PPP5C: variants seen among roughly 807,000 people sequenced by gnomAD.
The protein encoded by PPP5C is protein phosphatase 5 catalytic subunit.
PPP5C carries 21 observed loss-of-function variants against 66.7 expected under a neutral mutation model. The ratio of observed to expected loss-of-function variants is 0.31; its 90% CI spans 0.22 to 0.45. PPP5C has a LOEUF of 0.45. Among genes scored for constraint, PPP5C ranks in the 20% least tolerant of loss-of-function variants. The probability of loss-of-function intolerance (pLI) is 1.00; values close to 1 mark genes in which losing one functional copy is unlikely to be tolerated. For synonymous variants in PPP5C, 246 were observed against 257.4 expected, an observed-to-expected ratio of 0.96 and a Z score of 0.43; for missense variants, 464 against 675.9, an observed-to-expected ratio of 0.69 and a Z score of 3.48.
chr19:46,374,627 T>C (rs907150319), intron 2 of PPP5C, among the ~76,000 whole-genome samples: 2 of 152,178 alleles, frequency 1.3e-5, no homozygotes, highest in African/African-American at 4.8e-5. Context: ...GGGAACTTGC[T>C]ATGTCCCAAA....
At chr19:46,349,101 ACCAACCTGG>A (rs1020515733) in intron 1 of PPP5C, among the ~76,000 whole-genome samples, 7 of 152,238 alleles carry the variant, frequency 4.6e-5, no homozygotes, top group African/African-American at 1.4e-4. Flanking sequence ...GGAGTTCGAG[ACCAACCTGG>A]CCAACATGGT....
intron 2 of PPP5C, among the ~76,000 whole-genome samples, chr19:46,355,112 G>T (rs747073654): frequency 6.6e-6 from 1 of 152,248 alleles, no homozygotes; most frequent in Non-Finnish European, 1.5e-5. Context: ...CCCCCACCTG[G>T]TTAGTAGCAG....
chr19:46,347,315 G>A (rs1972099981), intron 1 of PPP5C, 98 bp downstream of exon 1: 4 of 1,455,706 alleles, frequency 2.7e-6, no homozygotes, highest in Middle Eastern at 2.2e-4. Context: ...CCTGGGCGCG[G>A]GGCAGACACT....
chr19:46,353,330 C>T (rs1007840062), intron 1 of PPP5C, among the ~76,000 whole-genome samples: 2 of 152,128 alleles, frequency 1.3e-5, no homozygotes, highest in African/African-American at 2.4e-5. Flanking sequence ...TGTGGCTGCC[C>T]GGGGCCCAGG....
Position 46,353,926 on chromosome 19 carries a change from C to T in PPP5C, c.300C>T (p.Tyr100=), listed in dbSNP as rs1398714338. Residue 100 remains tyrosine, a synonymous_variant, in exon 2 of 13, where the codon TAC becomes TAT. Transcript: ENST00000012443. The part of the protein sequence containing the change: ...ELDKKYIKGY[Y]RRAASNMALG... ...ACAAGAAGTACATCAAGGGTTATTA[C>T]CGCCGGGCTGCCAGCAACATGGCAC... The T allele has an allele frequency of 1.2e-6, 2 of 1,605,734 alleles. No individual in the cohort carries two copies. The highest frequency in any genetic ancestry group is 3.3e-4 in the Middle Eastern group (2 of 6,044).
intron 2 of PPP5C, among the ~76,000 whole-genome samples, chr19:46,354,973 T>A (rs1972258558): frequency 6.6e-6 from 1 of 152,178 alleles, no homozygotes; most frequent in African/African-American, 2.4e-5. Flanking sequence ...TCACACCAGG[T>A]GTGCTCTGCA....
chr19:46,353,697 G>A (rs1305222730), intron 1 of PPP5C, 51 bp from the exon 2 acceptor site: 2 of 1,609,344 alleles, frequency 1.2e-6, no homozygotes, highest in South Asian at 2.2e-5. Flanking sequence ...CCCAGGGCCT[G>A]TCCTCGCAGG....
chr19:46,353,528 T>A (rs1030011), intron 1 of PPP5C, among the ~76,000 whole-genome samples: 1 of 107,960 alleles, frequency 9.3e-6, no homozygotes. Context: ...GAGGGGTGGG[T>A]GGGCGGGTGT....
chr19:46,384,998 A>T, intron 7 of PPP5C, 89 bp downstream of exon 7: 3 of 1,075,666 alleles, frequency 2.8e-6, no homozygotes, highest in Non-Finnish European at 4.3e-6. Context: ...AGCTGTATTT[A>T]TTTTGTGGAC....
In PPP5C at chr19:46,370,741, G is replaced by A. The variant is rs530048738; in HGVS notation, c.364-4863G>A. ...TTATACAGCTCATGACTGTGTGTATGTCTCTCTCTTTTTTTTTTGAGATGG... is the reference window on the plus strand; with the variant it reads ...TTATACAGCTCATGACTGTGTGTATATCTCTCTCTTTTTTTTTTGAGATGG... On this transcript the variant is annotated intron_variant, in intron 2 of 12. Transcript: ENST00000012443. Among the ~76,000 whole-genome samples, 57 of 151,804 alleles carry A rather than the reference G, an allele frequency of 3.8e-4. 1 individual carries two copies. Among genetic ancestry groups the A allele is most frequent in the Admixed American group, 1.7e-3 (26 of 15,218 alleles).
chr19:46,368,380 A>G (rs967145050), intron 2 of PPP5C, among the ~76,000 whole-genome samples: 4 of 152,080 alleles, frequency 2.6e-5, no homozygotes, highest in Non-Finnish European at 5.9e-5. Flanking sequence ...TCCTTTCTCC[A>G]TCCCTGTCCG....
intron 2 of PPP5C, among the ~76,000 whole-genome samples, chr19:46,361,239 C>G (rs1010019014): frequency 6.7e-6 from 1 of 149,492 alleles, no homozygotes; most frequent in Non-Finnish European, 1.5e-5. Context: ...ACCCCATTCT[C>G]CTGCCTCAGC....
chr19:46,362,023 A>G (rs1434775247), intron 2 of PPP5C, among the ~76,000 whole-genome samples: 1 of 151,746 alleles, frequency 6.6e-6, no homozygotes, highest in Non-Finnish European at 1.5e-5. Context: ...TATTCCTTCA[A>G]TTTAATACAA....
rs1972679582 is a variant in PPP5C at position 46,375,618 on chromosome 19, G to A, written c.378G>A (p.Lys126=). 7.4e-6 allele frequency: 12 copies of A among 1,613,954 alleles called. No homozygotes were observed. The South Asian group carries it at 1.3e-4, about 18-fold the overall frequency. The change falls in exon 3 of 13, where the codon AAG becomes AAA. Residue 126 remains lysine, a synonymous_variant. Transcript: ENST00000012443. The part of the protein sequence containing the change: ...LRDYETVVKV[K]PHDKDAKMKY... ...CTCCCACCCAGGTGGTCAAGGTGAA[G>A]CCCCATGACAAGGATGCCAAAATGA... is the stretch of plus-strand genomic sequence containing the variant.
chr19:46,383,250 G>T lies in PPP5C; in HGVS notation c.634-161G>T. The stretch of plus-strand genomic sequence containing the variant: ...GAAGCCTGCGGCTGCCTCCGGCCCC[G>T]CCTGCTCCCGCTCCCCCAGGCCTGC... On this transcript the variant is annotated intron_variant, in intron 4 of 12. Coordinates refer to ENST00000012443, the MANE Select transcript of PPP5C (RefSeq NM_006247.4). This position sits in a 1 kb window ranked among gnomAD's most constrained non-coding sequence, Gnocchi z 5.0. 1 of 1,542,414 alleles carries T rather than the reference G, an allele frequency of 6.5e-7. No individual in the cohort carries two copies. Among genetic ancestry groups the T allele is most frequent in the Non-Finnish European group, 8.7e-7 (1 of 1,145,234 alleles).
intron 2 of PPP5C, among the ~76,000 whole-genome samples, chr19:46,368,615 G>A (rs1972531152): frequency 6.6e-6 from 1 of 152,192 alleles, no homozygotes; most frequent in Non-Finnish European, 1.5e-5. Context: ...CTGTATAACA[G>A]GGATGAACTG....
intron 2 of PPP5C, among the ~76,000 whole-genome samples, chr19:46,356,895 C>T (rs1972296305): frequency 6.6e-6 from 1 of 152,156 alleles, no homozygotes; most frequent in African/African-American, 2.4e-5. Context: ...ATGGGGCAGG[C>T]TCTGGGCTCA....
chr19:46,362,130 G>A (rs1247138454), intron 2 of PPP5C, among the ~76,000 whole-genome samples: 1 of 151,990 alleles, frequency 6.6e-6, no homozygotes, highest in Non-Finnish European at 1.5e-5. Context: ...CATCTTAGAC[G>A]TTCTGTATAC....
At chr19:46,390,163 C>A (rs764920911) in intron 12 of PPP5C, 31 bp downstream of exon 12, 2 of 1,611,730 alleles carry the variant, frequency 1.2e-6, no homozygotes, top group South Asian at 1.1e-5. Context: ...CCTGCCCCTT[C>A]CATCCCGGCC....
Sources: gnomAD v4.1 joint callset for allele counts (sites outside exome capture counted in the v4.1 genomes callset) on GRCh38, gnomAD v4.1.1 for gene constraint, Gnocchi (gnomAD v3.1) non-coding constraint, MANE v1.5 for transcripts, NCBI Gene and HGNC (gene_info 2026-07-23, HGNC 2026-07-21) for gene names.